Variants in SNTG1 observed in about 807,000 individuals in gnomAD.
SNTG1 encodes the protein gamma-1-syntrophin.
In SNTG1, 39 loss-of-function variants were observed where a neutral mutation model predicts 74.7. That is an observed-to-expected ratio of 0.52 (90% confidence interval 0.40 to 0.68). The LOEUF is 0.68. SNTG1 is among the 30% of genes least tolerant of loss of function. The pLI, the probability that SNTG1 is intolerant of heterozygous loss-of-function variation, is 0.00. For synonymous variants in SNTG1, 254 were observed against 217.1 expected, an observed-to-expected ratio of 1.17 and a Z score of -1.49; for missense variants, 685 against 609.5, an observed-to-expected ratio of 1.12 and a Z score of -1.30.
At chr8:50,226,025 G>A (rs1433444826) in intron 2 of SNTG1, among the ~76,000 whole-genome samples, 3 of 152,006 alleles carry the variant, frequency 2.0e-5, no homozygotes, top group Non-Finnish European at 4.4e-5. Flanking sequence ...TCTTTATATT[G>A]ACAACAAAAT....
intron 12 of SNTG1, among the ~76,000 whole-genome samples, chr8:50,573,141 A>G (rs1025778926): frequency 6.6e-6 from 1 of 152,130 alleles, no homozygotes; most frequent in African/African-American, 2.4e-5. Context: ...ATTTAAATTC[A>G]GAAAAGAGGA....
At chr8:50,784,663 C>G (rs1180043896) in intron 18 of SNTG1, among the ~76,000 whole-genome samples, 1 of 152,108 alleles carries the variant, frequency 6.6e-6, no homozygotes, top group East Asian at 1.9e-4. Flanking sequence ...TTGACTTGGT[C>G]AGCATGATAG....
At chr8:50,628,041 C>T (rs2094968639) in intron 13 of SNTG1, among the ~76,000 whole-genome samples, 1 of 152,180 alleles carries the variant, frequency 6.6e-6, no homozygotes, top group Admixed American at 6.5e-5. Flanking sequence ...GTAACCAGCC[C>T]CATCCTGAAG....
At chr8:50,569,130 C>T (rs573140341) in intron 12 of SNTG1, 2 of 152,316 alleles carry the variant, frequency 1.3e-5, no homozygotes, top group South Asian at 4.1e-4. Flanking sequence ...CAGTACTTAA[C>T]TTTCCTATCC....
intron 1 of SNTG1, among the ~76,000 whole-genome samples, chr8:49,939,677 T>G (rs1808503539): frequency 6.6e-6 from 1 of 152,216 alleles, no homozygotes; most frequent in Admixed American, 6.5e-5. Context: ...AGGCATAAAA[T>G]GACCTTTTCA....
At chr8:50,739,504 G>T (rs992016855) in intron 17 of SNTG1, among the ~76,000 whole-genome samples, 8 of 151,988 alleles carry the variant, frequency 5.3e-5, no homozygotes, top group Non-Finnish European at 1.2e-4. Flanking sequence ...AGACACTATG[G>T]CAATTCCTCA....
chr8:50,042,276 C>G (rs1016831799), intron 1 of SNTG1, among the ~76,000 whole-genome samples: 1 of 152,134 alleles, frequency 6.6e-6, no homozygotes. Context: ...CTAGTCCCCT[C>G]CACCAATTCC....
At chr8:50,316,540 G>T (rs2090324991) in intron 2 of SNTG1, among the ~76,000 whole-genome samples, 1 of 152,122 alleles carries the variant, frequency 6.6e-6, no homozygotes, top group Admixed American at 6.5e-5. Flanking sequence ...TCTGTCCAAA[G>T]AATGGAACTT....
At chr8:49,976,319 A>G (rs1196037428) in intron 1 of SNTG1, among the ~76,000 whole-genome samples, 1 of 152,238 alleles carries the variant, frequency 6.6e-6, no homozygotes, top group Non-Finnish European at 1.5e-5. Flanking sequence ...CCTCAGACAC[A>G]AACAGAAAGG....
chr8:50,412,467 A>G (rs1469371620), intron 4 of SNTG1, among the ~76,000 whole-genome samples: 1 of 152,196 alleles, frequency 6.6e-6, no homozygotes, highest in Non-Finnish European at 1.5e-5. Flanking sequence ...ATATAATACT[A>G]TCTGTCTTAT....
intron 2 of SNTG1, among the ~76,000 whole-genome samples, chr8:50,208,551 C>G (rs1586697263): frequency 6.6e-6 from 1 of 152,132 alleles, no homozygotes; most frequent in Admixed American, 6.5e-5. Flanking sequence ...GAGCAACTAT[C>G]CCATTTACAT....
intron 17 of SNTG1, among the ~76,000 whole-genome samples, chr8:50,725,276 G>T (rs1039418715): frequency 1.3e-5 from 2 of 152,098 alleles, no homozygotes; most frequent in Non-Finnish European, 2.9e-5. Context: ...TTCCCATGGT[G>T]AATGGGTGAA....
intron 12 of SNTG1, among the ~76,000 whole-genome samples, chr8:50,574,899 A>G (rs1267203393): frequency 6.6e-6 from 1 of 152,204 alleles, no homozygotes; most frequent in African/African-American, 2.4e-5. Flanking sequence ...TGTGACAACA[A>G]TGTGTGAAAG....
At chr8:50,283,923 T>C (rs1368853511) in intron 2 of SNTG1, among the ~76,000 whole-genome samples, 3 of 152,158 alleles carry the variant, frequency 2.0e-5, no homozygotes, top group African/African-American at 4.8e-5. Context: ...ATGATTAACA[T>C]AGTATATGAA....
intron 8 of SNTG1, among the ~76,000 whole-genome samples, chr8:50,495,205 A>G (rs1374191222): frequency 6.6e-6 from 1 of 152,136 alleles, no homozygotes; most frequent in Non-Finnish European, 1.5e-5. Context: ...AGAAATGCCT[A>G]TTGAAAGATT....
chr8:50,587,826 A>G (rs1012105683), intron 12 of SNTG1, among the ~76,000 whole-genome samples: 4 of 146,010 alleles, frequency 2.7e-5, no homozygotes, highest in Non-Finnish European at 6.0e-5. Flanking sequence ...AAAAGAAAAA[A>G]AAATTTAGCG....
At chr8:50,213,283 T>C (rs1379777297) in intron 2 of SNTG1, among the ~76,000 whole-genome samples, 1 of 152,164 alleles carries the variant, frequency 6.6e-6, no homozygotes, top group Non-Finnish European at 1.5e-5. Flanking sequence ...TTCTTTCATA[T>C]GGCTCCAGCA....
rs1163104143 is a variant in SNTG1 at position 49,973,094 on chromosome 8, G to A, written c.-103+60863G>A. 5.3e-5 allele frequency among the ~76,000 whole-genome samples: 8 copies of A among 152,260 alleles called. No homozygotes were observed. In the East Asian group the frequency reaches 1.4e-3, roughly 26 times the overall value. ...GTTTATTGCGGCACTATTCACAATA[G>A]CAAAGACTTGGAACCAAGCCAAATG... On this transcript the variant is annotated intron_variant, in intron 1 of 18. Coordinates refer to ENST00000642720, the MANE Select transcript of SNTG1 (RefSeq NM_018967.5).
intron 2 of SNTG1, among the ~76,000 whole-genome samples, chr8:50,257,924 A>G (rs781254199): frequency 5.3e-5 from 8 of 152,248 alleles, no homozygotes; most frequent in Admixed American, 1.3e-4. Context: ...TGTGAAACCA[A>G]TAGAGGCAGA....
Sources: allele counts gnomAD v4.1 joint callset (sites outside exome capture counted in the v4.1 genomes callset), GRCh38; gene constraint gnomAD v4.1.1; transcripts MANE v1.5; gene names NCBI Gene and HGNC (gene_info 2026-07-23, HGNC 2026-07-21).